The following YTHDC2 variants were observed in gnomAD, a reference collection of about 807,000 sequenced individuals.
YTHDC2 encodes the protein YTH N6-methyladenosine RNA binding protein C2.
Under a neutral mutation model 174.9 loss-of-function variants are expected in YTHDC2, and 45 were observed. The ratio of observed to expected loss-of-function variants is 0.26; its 90% confidence interval spans 0.20 to 0.33. YTHDC2 has a LOEUF of 0.33. Among genes scored for constraint, YTHDC2 ranks in the 10% least tolerant of loss-of-function variants. The pLI is 1.00. For missense variants in YTHDC2, 1,650 were observed against 1,723.7 expected, an observed-to-expected ratio of 0.96 and a Z score of 0.76; for synonymous variants, 657 against 574.5, an observed-to-expected ratio of 1.14 and a Z score of -2.05.
chr5:113,593,169 A>G, intron 28 of YTHDC2, 134 bp from the exon 29 acceptor site: 1 of 622,088 alleles, frequency 1.6e-6, no homozygotes, highest in South Asian at 2.1e-5. Flanking sequence ...TTCATACCAG[A>G]TGATTTTAGC....
intron 4 of YTHDC2, among the ~76,000 whole-genome samples, chr5:113,527,829 C>T (rs1381980657): frequency 2.0e-5 from 3 of 152,086 alleles, no homozygotes; most frequent in Non-Finnish European, 2.9e-5. Context: ...CTGTCTGTCA[C>T]CCAGGCTGGA....
At chr5:113,526,335 G>GA (rs1774234806) in intron 3 of YTHDC2, among the ~76,000 whole-genome samples, 2 of 130,716 alleles carry the variant, frequency 1.5e-5, no homozygotes, top group African/African-American at 6.8e-5. Flanking sequence ...ATATGTCTGA[G>GA]GTTCACTTTC....
chr5:113,540,281 A>G (rs987013837), intron 8 of YTHDC2, among the ~76,000 whole-genome samples: 12 of 152,220 alleles, frequency 7.9e-5, no homozygotes, highest in Non-Finnish European at 1.8e-4. Context: ...GTGCTGTATG[A>G]ATATTGGTCA....
At chr5:113,573,383 C>T (rs1316370645) in intron 23 of YTHDC2, among the ~76,000 whole-genome samples, 2 of 152,162 alleles carry the variant, frequency 1.3e-5, no homozygotes, top group Non-Finnish European at 2.9e-5. Flanking sequence ...TGGCCTTTCT[C>T]TCTGGCTGCC....
chr5:113,568,348 A>G (rs1777490148), intron 23 of YTHDC2, among the ~76,000 whole-genome samples: 2 of 152,016 alleles, frequency 1.3e-5, no homozygotes, highest in African/African-American at 2.4e-5. Flanking sequence ...TTGAAGTGGC[A>G]TAATGCATTT....
intron 23 of YTHDC2, among the ~76,000 whole-genome samples, chr5:113,577,686 T>G (rs1010955371): frequency 6.6e-6 from 1 of 152,184 alleles, no homozygotes. Flanking sequence ...GTATATTAAT[T>G]TAATGTTTCC....
At chr5:113,518,200 T>G (rs1370016781) in intron 2 of YTHDC2, among the ~76,000 whole-genome samples, 4 of 150,008 alleles carry the variant, frequency 2.7e-5, no homozygotes, top group Admixed American at 1.3e-4. Flanking sequence ...TTTTTGTTTT[T>G]TTTTTTTTTT....
At chr5:113,524,211 T>C (rs1326523482) in intron 2 of YTHDC2, among the ~76,000 whole-genome samples, 4 of 152,140 alleles carry the variant, frequency 2.6e-5, no homozygotes, top group African/African-American at 9.6e-5. Flanking sequence ...ATTACACTGC[T>C]ACATTATAGG....
intron 8 of YTHDC2, 89 bp from the exon 9 acceptor site, chr5:113,540,879 C>G (rs564459389): frequency 9.4e-6 from 12 of 1,271,928 alleles, no homozygotes; most frequent in Non-Finnish European, 1.3e-5. Flanking sequence ...TTAAGAGATA[C>G]CAGATTCCCA....
At chr5:113,561,219 T>C in intron 18 of YTHDC2, 34 bp downstream of exon 18, 2 of 1,569,184 alleles carry the variant, frequency 1.3e-6, no homozygotes, top group Non-Finnish European at 1.7e-6. Flanking sequence ...AGGCATTTTT[T>C]TGGGTGAGGG....
At chr5:113,517,017 A>G (rs1773476800) in intron 2 of YTHDC2, among the ~76,000 whole-genome samples, 2 of 152,218 alleles carry the variant, frequency 1.3e-5, no homozygotes, top group Admixed American at 1.3e-4. Context: ...TCAGTGCCAC[A>G]ATACTTTATC....
In YTHDC2 at chr5:113,526,305, T is replaced by G. The variant is rs565716002; in HGVS notation, c.476-281T>G. Reference sequence around the variant, plus strand: ...TTGAATGATTTATTTTTATCAATTTTTAAACATTATGTACCAGAAATATGT... The same window carrying G: ...TTGAATGATTTATTTTTATCAATTTGTAAACATTATGTACCAGAAATATGT... On this transcript the variant is annotated intron_variant, in intron 3 of 29. Transcript: ENST00000161863. 1.0e-3 allele frequency among the ~76,000 whole-genome samples: 153 copies of G among 147,192 alleles called. 1 individual carries two copies. The highest frequency in any genetic ancestry group is 1.7e-3 in the Non-Finnish European group (118 of 67,476).
intron 28 of YTHDC2, 24 bp downstream of exon 28, chr5:113,592,202 T>C (rs564959296): frequency 2.0e-6 from 3 of 1,530,030 alleles, no homozygotes; most frequent in Non-Finnish European, 2.6e-6. Context: ...TTTTTTTTTT[T>C]ATTTACTTTT....
intron 16 of YTHDC2, among the ~76,000 whole-genome samples, chr5:113,554,375 A>T (rs1580567217): frequency 6.6e-6 from 1 of 152,186 alleles, no homozygotes. Context: ...ACAGTATGGG[A>T]ATTTGATTAC....
At chr5:113,590,203 C>T (rs921184132) in intron 26 of YTHDC2, among the ~76,000 whole-genome samples, 4 of 152,120 alleles carry the variant, frequency 2.6e-5, no homozygotes, top group South Asian at 2.1e-4. Flanking sequence ...CTTTCAATAG[C>T]GTTAGACTTT....
intron 5 of YTHDC2, among the ~76,000 whole-genome samples, chr5:113,533,846 C>T (rs746096162): frequency 6.6e-6 from 1 of 152,160 alleles, no homozygotes; most frequent in Non-Finnish European, 1.5e-5. Context: ...TTACGATTTT[C>T]AGATTTGGGA....
intron 23 of YTHDC2, among the ~76,000 whole-genome samples, chr5:113,579,243 C>G (rs188143840): frequency 8.4e-4 from 127 of 151,952 alleles, no homozygotes; most frequent in Non-Finnish European, 1.6e-3. Flanking sequence ...CTTTGGGCAC[C>G]TTTCATAGTT....
At chr5:113,566,589 A>G (rs1317434378) in intron 21 of YTHDC2, among the ~76,000 whole-genome samples, 3 of 152,004 alleles carry the variant, frequency 2.0e-5, no homozygotes, top group African/African-American at 4.8e-5. Context: ...GAAGTGCCAG[A>G]GTAATATAAG....
At chr5:113,545,530 TA>T (rs1775808708) in intron 10 of YTHDC2, among the ~76,000 whole-genome samples, 1 of 151,838 alleles carries the variant, frequency 6.6e-6, no homozygotes, top group Non-Finnish European at 1.5e-5. Context: ...TAGATACTTC[TA>T]ATATGCCCCA....
Sources: gnomAD v4.1 joint callset for allele counts (sites outside exome capture counted in the v4.1 genomes callset) on GRCh38, gnomAD v4.1.1 for gene constraint, MANE v1.5 for transcripts, NCBI Gene and HGNC (gene_info 2026-07-23, HGNC 2026-07-21) for gene names.